The following LAMA2 variants were observed in gnomAD, a reference collection of about 807,000 sequenced individuals.
LAMA2 encodes the protein laminin subunit alpha 2, also known as laminin subunit alpha-2.
A neutral mutation model predicts 364.8 loss-of-function variants in LAMA2; 269 were observed. That is an observed-to-expected ratio of 0.74 (90% confidence interval 0.67 to 0.82). The LOEUF (loss-of-function observed/expected upper bound fraction) is 0.82. Among genes scored for constraint, LAMA2 ranks in the 40% least tolerant of loss-of-function variants. The pLI is 0.00. For missense variants in LAMA2, 3,807 were observed against 3,873.2 expected, an observed-to-expected ratio of 0.98 and a Z score of 0.45; for synonymous variants, 1,379 against 1,370.6, an observed-to-expected ratio of 1.01 and a Z score of -0.14.
At chr6:129,446,279 G>A (rs1020255471) in intron 45 of LAMA2, among the ~76,000 whole-genome samples, 2 of 151,172 alleles carry the variant, frequency 1.3e-5, no homozygotes, top group East Asian at 3.9e-4. Context: ...TCTTTTGTCT[G>A]GTATAAACAA....
intron 1 of LAMA2, among the ~76,000 whole-genome samples, chr6:128,965,683 C>A (rs1431664486): frequency 3.3e-5 from 5 of 151,910 alleles, no homozygotes; most frequent in Non-Finnish European, 7.4e-5. Context: ...TCATCGATGA[C>A]ATTATTACTT....
At chr6:129,331,213 G>T (rs1031427208) in intron 29 of LAMA2, among the ~76,000 whole-genome samples, 1 of 152,134 alleles carries the variant, frequency 6.6e-6, no homozygotes, top group Non-Finnish European at 1.5e-5. Flanking sequence ...TGTAGAAAAA[G>T]ACAATTGTGC....
chr6:129,339,176 A>G (rs1178893885), intron 29 of LAMA2, among the ~76,000 whole-genome samples: 2 of 152,228 alleles, frequency 1.3e-5, no homozygotes, highest in Non-Finnish European at 2.9e-5. Flanking sequence ...AGGCTATTCT[A>G]ATAATCCAAA....
chr6:129,297,953 A>C (rs1283919038), intron 21 of LAMA2, 88 bp downstream of exon 21: 31 of 1,061,684 alleles, frequency 2.9e-5, no homozygotes, highest in Non-Finnish European at 4.4e-5. Context: ...TAAAGGAAGC[A>C]CAGATTGATA....
chr6:129,326,229 T>G (rs962024773), intron 28 of LAMA2, among the ~76,000 whole-genome samples: 3 of 152,128 alleles, frequency 2.0e-5, no homozygotes, highest in African/African-American at 7.2e-5. Flanking sequence ...TGTTAGACTT[T>G]TCTAAGAGTT....
At chr6:129,222,422 C>T (rs191999411) in intron 12 of LAMA2, among the ~76,000 whole-genome samples, 1 of 151,664 alleles carries the variant, frequency 6.6e-6, no homozygotes, top group African/African-American at 2.4e-5. Flanking sequence ...GTACATGTGC[C>T]ATGTTGGTGT....
intron 14 of LAMA2, among the ~76,000 whole-genome samples, chr6:129,258,867 C>CACTAT (rs1288246595): frequency 6.6e-6 from 1 of 152,036 alleles, no homozygotes; most frequent in East Asian, 1.9e-4. Flanking sequence ...GTAACCTAAA[C>CACTAT]ACTATAGGAC....
At chr6:129,008,281 C>G (rs1348284162) in intron 1 of LAMA2, among the ~76,000 whole-genome samples, 2 of 151,886 alleles carry the variant, frequency 1.3e-5, no homozygotes, top group East Asian at 3.9e-4. Context: ...AAGATTACTC[C>G]TTTGGGGATA....
chr6:129,039,383 T>A (rs1786916348), intron 1 of LAMA2, among the ~76,000 whole-genome samples: 1 of 152,174 alleles, frequency 6.6e-6, no homozygotes, highest in African/African-American at 2.4e-5. Flanking sequence ...GTTCACTAGA[T>A]GTATAAGAAG....
In LAMA2 at chr6:129,474,294, A is replaced by G. The variant is rs574434216; in HGVS notation, c.7439+942A>G. On this transcript the variant is annotated intron_variant, in intron 52 of 64. Transcript: ENST00000421865. ...AGCAGTGAAAGTTCAGTCTCATTCT[A>G]TGACAGCTAGTGTGCAGGCTGAAAT... Among the ~76,000 whole-genome samples the G allele has an allele frequency of 1.1e-4, 16 of 152,244 alleles. No homozygotes were observed. The South Asian group carries it at 2.7e-3, about 26-fold the overall frequency.
At chr6:129,449,871 C>T (rs1030195324) in intron 45 of LAMA2, among the ~76,000 whole-genome samples, 1 of 146,876 alleles carries the variant, frequency 6.8e-6, no homozygotes, top group Non-Finnish European at 1.5e-5. Flanking sequence ...GGAGCAATCT[C>T]AGCTCACTGC....
chr6:129,288,959 C>T (rs528391901), intron 19 of LAMA2, among the ~76,000 whole-genome samples: 6 of 152,158 alleles, frequency 3.9e-5, no homozygotes, highest in Non-Finnish European at 7.3e-5. Flanking sequence ...CCAGGACATG[C>T]AGAATTATAG....
chr6:129,013,163 T>A (rs2114698966), intron 1 of LAMA2, among the ~76,000 whole-genome samples: 1 of 152,310 alleles, frequency 6.6e-6, no homozygotes, highest in South Asian at 2.1e-4. Context: ...AGGCTGGGTG[T>A]GGTGGCTCAC....
chr6:128,897,183 A>G (rs1222892643), intron 1 of LAMA2, among the ~76,000 whole-genome samples: 2 of 152,246 alleles, frequency 1.3e-5, no homozygotes, highest in Non-Finnish European at 2.9e-5. Flanking sequence ...CAAATTAGTA[A>G]GTAAAGGGCT....
intron 8 of LAMA2, chr6:129,158,124 T>C: frequency 6.2e-7 from 1 of 1,612,392 alleles, no homozygotes; most frequent in Non-Finnish European, 8.5e-7. Context: ...ATAAGCCAAT[T>C]TAAGCAGGGC....
intron 19 of LAMA2, among the ~76,000 whole-genome samples, chr6:129,291,141 A>G (rs1375475583): frequency 6.6e-6 from 1 of 152,192 alleles, no homozygotes; most frequent in African/African-American, 2.4e-5. Flanking sequence ...TTTTAGTTCT[A>G]AAGTCAGTAT....
In LAMA2 at chr6:129,186,717, G is replaced by T. The variant is rs368003978; in HGVS notation, c.1468-3488G>T. Among the ~76,000 whole-genome samples, 251 of 151,694 alleles carry T rather than the reference G, an allele frequency of 1.7e-3. 2 individuals are homozygous for T. The highest frequency in any genetic ancestry group is 4.1e-3 in the South Asian group (20 of 4,824). On this transcript the variant is annotated intron_variant, in intron 10 of 64. Transcript: ENST00000421865. Reference sequence around the variant, plus strand: ...TTTGGTGTCAGATCCAGAACATGTTGTCTGTACCCCTCTTACAGCAGTGAT... The same window carrying T: ...TTTGGTGTCAGATCCAGAACATGTTTTCTGTACCCCTCTTACAGCAGTGAT...
chr6:129,099,135 T>TG (rs1286662858), intron 4 of LAMA2, among the ~76,000 whole-genome samples: 10 of 149,898 alleles, frequency 6.7e-5, no homozygotes, highest in South Asian at 2.1e-4. Context: ...GTTTTTTTTT[T>TG]TTTTGTTTTC....
At chr6:128,981,579 CAAAAAAAAAAA>C (rs145266584) in intron 1 of LAMA2, among the ~76,000 whole-genome samples, 10 of 119,498 alleles carry the variant, frequency 8.4e-5, no homozygotes, top group Non-Finnish European at 1.7e-4. Flanking sequence ...CCATCTCTAC[CAAAAAAAAAAA>C]AAAAAAAAAA....
Sources: gnomAD v4.1 joint callset for allele counts (sites outside exome capture counted in the v4.1 genomes callset) on GRCh38, gnomAD v4.1.1 for gene constraint, MANE v1.5 for transcripts, NCBI Gene and HGNC (gene_info 2026-07-23, HGNC 2026-07-21) for gene names.